Variants in KIAA1217 observed in about 807,000 individuals in gnomAD.
KIAA1217 encodes sickle tail protein homolog.
KIAA1217 carries 88 observed loss-of-function variants against 163.9 expected under a neutral mutation model. The ratio of observed to expected loss-of-function variants is 0.54; its 90% CI spans 0.45 to 0.64. The LOEUF (loss-of-function observed/expected upper bound fraction) is 0.64, where lower values mean the gene tolerates loss of function less well. Ranked by LOEUF, KIAA1217 falls within the 30% of genes least tolerant of loss-of-function variation. The pLI is 0.00. For synonymous variants in KIAA1217, 903 were observed against 923.1 expected (o/e 0.98, Z 0.39); for missense variants, 2,372 against 2,475.0 (o/e 0.96, Z 0.88).
At chr10:23,735,541 G>C (rs2130797651) in intron 1 of KIAA1217, among the ~76,000 whole-genome samples, 2 of 152,046 alleles carry the variant, frequency 1.3e-5, no homozygotes, top group East Asian at 1.9e-4. Context: ...TTATTAATAA[G>C]AGTGTGGCAT....
chr10:23,838,002 C>T (rs576419774), intron 1 of KIAA1217, among the ~76,000 whole-genome samples: 1 of 152,288 alleles, frequency 6.6e-6, no homozygotes, highest in Admixed American at 6.5e-5. Context: ...CAGCCCTAAC[C>T]CTCTTGTCCT....
Position 24,539,032 on chromosome 10 carries a change from G to A in KIAA1217, c.3534+2139G>A, listed in dbSNP as rs558291347. Among the ~76,000 whole-genome samples, 53 of 151,192 alleles carry A rather than the reference G, an allele frequency of 3.5e-4. No individual in the cohort carries two copies. In the South Asian group the frequency reaches 4.4e-3, roughly 13 times the overall value. The stretch of plus-strand genomic sequence containing the variant: ...CAGGCGTGAGCCACCGCACCCAGCC[G>A]GAAATATATTGGTCTTTTCAGTATG... On this transcript the variant is annotated intron_variant, in intron 17 of 20. Transcript: ENST00000376454.
In KIAA1217 at chr10:23,696,311, C is replaced by T. The variant is rs1005703740; in HGVS notation, c.-321+1077C>T. 5.3e-5 allele frequency among the ~76,000 whole-genome samples: 8 copies of T among 152,314 alleles called. 1 individual carries two copies. The East Asian group carries it at 7.7e-4, about 15-fold the overall frequency. ...CCTGCTCTCACCTGGGGAGGGTTCT[C>T]AGGAATTTGATATTAAATTTGATGA... On this transcript the variant is annotated intron_variant, in intron 1 of 18. Transcript: ENST00000376462.
intron 1 of KIAA1217, among the ~76,000 whole-genome samples, chr10:23,802,590 A>G (rs1256674481): frequency 2.0e-5 from 3 of 152,248 alleles, no homozygotes; most frequent in East Asian, 3.8e-4. Flanking sequence ...TGATTTTAGA[A>G]TAGTTGACCT....
intron 2 of KIAA1217, among the ~76,000 whole-genome samples, chr10:24,104,446 A>G (rs1188298861): frequency 1.3e-5 from 2 of 152,220 alleles, no homozygotes; most frequent in Non-Finnish European, 2.9e-5. Flanking sequence ...AGGTCTCTAT[A>G]CAACATTCTT....
chr10:23,805,562 T>C (rs888101839), intron 1 of KIAA1217, among the ~76,000 whole-genome samples: 1 of 151,748 alleles, frequency 6.6e-6, no homozygotes, highest in African/African-American at 2.4e-5. Context: ...TCAGGAAAAA[T>C]AACAAATGGA....
At chr10:24,413,377 G>A (rs887663152) in intron 3 of KIAA1217, among the ~76,000 whole-genome samples, 1 of 152,072 alleles carries the variant, frequency 6.6e-6, no homozygotes, top group Non-Finnish European at 1.5e-5. Context: ...TCACCATATT[G>A]GTCAGGCTGG....
intron 1 of KIAA1217, among the ~76,000 whole-genome samples, chr10:23,798,094 G>C (rs1043955338): frequency 6.6e-6 from 1 of 152,158 alleles, no homozygotes; most frequent in African/African-American, 2.4e-5. Flanking sequence ...GGTCTCTGGA[G>C]TGTGATGTGC....
At chr10:24,196,136 A>AACACACACACACACAC (rs66954103) in intron 2 of KIAA1217, among the ~76,000 whole-genome samples, 27 of 144,316 alleles carry the variant, frequency 1.9e-4, no homozygotes, top group African/African-American at 6.6e-4. Context: ...CCTGTCTCAA[A>AACACACACACACACAC]ACACACACAC....
chr10:23,790,706 TA>T (rs113953472), intron 1 of KIAA1217, among the ~76,000 whole-genome samples: 22,416 of 127,764 alleles, frequency 0.18, 2,031 homozygotes, highest in African/African-American at 0.22. Context: ...TACACACACA[TA>T]TATATATGTA....
chr10:24,022,675 GT>G (rs1452795883), intron 2 of KIAA1217, among the ~76,000 whole-genome samples: 1 of 151,542 alleles, frequency 6.6e-6, no homozygotes, highest in Non-Finnish European at 1.5e-5. Flanking sequence ...TTTATGGCAG[GT>G]TTTTTTCATG....
intron 13 of KIAA1217, among the ~76,000 whole-genome samples, chr10:24,526,301 C>T (rs2072161556): frequency 6.6e-6 from 1 of 152,084 alleles, no homozygotes; most frequent in Admixed American, 6.5e-5. Flanking sequence ...CCCTGGCTTG[C>T]CTCTAATCAG....
At chr10:24,501,873 C>T (rs189026446) in intron 9 of KIAA1217, among the ~76,000 whole-genome samples, 4 of 150,918 alleles carry the variant, frequency 2.7e-5, no homozygotes, top group South Asian at 2.1e-4. Context: ...CTCAGCCTCC[C>T]GAGTAGCTGG....
At position 23,786,127 on chromosome 10, in the gene KIAA1217, TAAC is replaced by T. The variant is rs1307981503; in HGVS notation, c.-321+90896_-321+90898del. ...GGTCTTCTGTAAAAGTCCATGGAAT[TAAC>T]AAATAATTGAGCAACAGAGGTACAG... is the stretch of plus-strand genomic sequence containing the variant. On this transcript the variant is annotated intron_variant, in intron 1 of 18. Transcript: ENST00000376462. 3.9e-5 allele frequency among the ~76,000 whole-genome samples: 6 copies of T among 152,134 alleles called. No individual in the cohort carries two copies. The East Asian group carries it at 9.6e-4, about 24-fold the overall frequency.
At chr10:24,088,274 T>TATAC (rs1285415158) in intron 2 of KIAA1217, among the ~76,000 whole-genome samples, 3,808 of 107,222 alleles carry the variant, frequency 0.036, 421 homozygotes, top group African/African-American at 0.11. Context: ...TATATATATA[T>TATAC]ACACACATAT....
At chr10:24,048,831 G>A (rs950432124) in intron 2 of KIAA1217, among the ~76,000 whole-genome samples, 21 of 151,802 alleles carry the variant, frequency 1.4e-4, no homozygotes, top group South Asian at 6.2e-4. Context: ...AGGGGTTCGA[G>A]ACCAGCCTGA....
At chr10:23,909,179 C>T (rs539733652) in intron 1 of KIAA1217, among the ~76,000 whole-genome samples, 1 of 152,078 alleles carries the variant, frequency 6.6e-6, no homozygotes, top group East Asian at 1.9e-4. Context: ...AAGAATGACA[C>T]AATGGACTTT....
At chr10:24,265,512 C>T (rs530399596) in intron 2 of KIAA1217, among the ~76,000 whole-genome samples, 1 of 152,248 alleles carries the variant, frequency 6.6e-6, no homozygotes, top group South Asian at 2.1e-4. Flanking sequence ...AATAACTGAA[C>T]AAAGGCTCTT....
intron 3 of KIAA1217, among the ~76,000 whole-genome samples, chr10:24,391,357 T>C (rs2054940389): frequency 8.4e-6 from 1 of 118,494 alleles, no homozygotes; most frequent in Non-Finnish European, 1.6e-5. Context: ...TTTTTTTTTT[T>C]TTTGTGAGAC....
Sources: gnomAD v4.1 joint callset for allele counts (sites outside exome capture counted in the v4.1 genomes callset) on GRCh38, gnomAD v4.1.1 for gene constraint, MANE v1.5 for transcripts, NCBI Gene and HGNC (gene_info 2026-07-23, HGNC 2026-07-21) for gene names.